The following LMAN1 variants were observed in gnomAD, a reference collection of about 807,000 sequenced individuals.
LMAN1 encodes lectin, mannose binding 1.
Under a neutral mutation model 67.8 loss-of-function variants are expected in LMAN1, and 32 were observed. The observed-to-expected ratio is 0.47, with a 90% confidence interval of 0.36 to 0.63. The LOEUF is 0.63. Ranked by LOEUF, LMAN1 falls within the 30% of genes least tolerant of loss-of-function variation. The pLI, the probability that LMAN1 is intolerant of heterozygous loss-of-function variation, is 0.00. For synonymous variants in LMAN1, 235 were observed against 219.3 expected, an observed-to-expected ratio of 1.07 and a Z score of -0.63; for missense variants, 632 against 628.2, an observed-to-expected ratio of 1.01 and a Z score of -0.06.
intron 10 of LMAN1, among the ~76,000 whole-genome samples, chr18:59,338,136 G>A (rs1908201252): frequency 6.6e-6 from 1 of 152,096 alleles, no homozygotes. Context: ...GTTCAAAATG[G>A]TTTCATTCCA....
rs964985785 is a variant in LMAN1 at position 59,345,979 on chromosome 18, C to A, written c.895G>T (p.Glu299Ter). 6.2e-7 allele frequency: 1 copy of A among 1,613,860 alleles called. No homozygotes were observed. The highest frequency in any genetic ancestry group is 1.3e-5 in the African/African-American group (1 of 74,968). ...AATTCCTCTTTTTTTTTATCCAATT[C>A]TTGTTGAAAGTGCTCAAATTCCTCC... is the stretch of plus-strand genomic sequence containing the variant. ...YQEEFEHFQQ[E>*]LDKKKEEFQK... Residue 299 changes from glutamate (E) to a stop codon, truncating the protein, a stop_gained, in exon 8 of 13, where the codon GAA (glutamate) becomes TAA (stop). Coordinates refer to ENST00000251047, the MANE Select transcript of LMAN1 (RefSeq NM_005570.4). LOFTEE classifies it high-confidence loss of function.
chr18:59,358,983 G>T, intron 1 of LMAN1, 48 bp downstream of exon 1: 1 of 1,569,446 alleles, frequency 6.4e-7, no homozygotes, highest in Non-Finnish European at 8.8e-7. Context: ...CGAAGAGGCA[G>T]CAGAAGGGGG....
At chr18:59,344,976 TC>T (rs1198523890) in intron 8 of LMAN1, among the ~76,000 whole-genome samples, 4 of 152,194 alleles carry the variant, frequency 2.6e-5, no homozygotes, top group Non-Finnish European at 5.9e-5. Context: ...ATAAAAATGT[TC>T]CGTGTACTGA....
intron 8 of LMAN1, among the ~76,000 whole-genome samples, chr18:59,343,623 T>C (rs1201825572): frequency 6.6e-6 from 1 of 152,062 alleles, no homozygotes; most frequent in Non-Finnish European, 1.5e-5. Context: ...AGTGGACCCA[T>C]ACTTCTCACC....
intron 6 of LMAN1, 53 bp downstream of exon 6, chr18:59,349,060 C>T (rs948068582): frequency 6.2e-7 from 1 of 1,604,466 alleles, no homozygotes; most frequent in African/African-American, 1.3e-5. Flanking sequence ...ATATACTATT[C>T]CCAATAAAAC....
chr18:59,331,494 AT>A lies in LMAN1; in HGVS notation c.1419del (p.Ser474HisfsTer52). 1 of 1,612,478 alleles carries A rather than the reference AT, an allele frequency of 6.2e-7. No individual in the cohort carries two copies. Among genetic ancestry groups the A allele is most frequent in the Non-Finnish European group, 8.5e-7 (1 of 1,178,666 alleles). On this transcript the variant is annotated frameshift_variant, in exon 12 of 13. Transcript: ENST00000251047. LOFTEE classifies it high-confidence loss of function. ...ATGAAGTGGACCGTAGACAAACATG[AT>A]GGAAATGGTGGTAGTTCTGGGCATT... ...KPKCPELPPF[P>X]SCLSTVHFII...
intron 5 of LMAN1, among the ~76,000 whole-genome samples, chr18:59,349,950 G>A (rs1010738652): frequency 4.3e-4 from 66 of 152,066 alleles, no homozygotes; most frequent in African/African-American, 1.5e-3. Flanking sequence ...ATCCTCTCAC[G>A]AGTCCCACCC....
intron 4 of LMAN1, 41 bp downstream of exon 4, chr18:59,354,478 A>G: frequency 9.0e-7 from 1 of 1,107,960 alleles, no homozygotes; most frequent in Non-Finnish European, 1.4e-6. Context: ...GATTCCAAAA[A>G]GAAGCTGAAA....
intron 8 of LMAN1, among the ~76,000 whole-genome samples, chr18:59,342,985 G>A (rs7230866): frequency 0.72 from 108,652 of 150,796 alleles, 39,411 homozygotes; most frequent in African/African-American, 0.8. Flanking sequence ...TACAGAAATC[G>A]GTAGCATTTT....
intron 5 of LMAN1, among the ~76,000 whole-genome samples, chr18:59,350,625 G>A (rs1908522091): frequency 6.6e-6 from 1 of 151,994 alleles, no homozygotes; most frequent in South Asian, 2.1e-4. Flanking sequence ...CTCCCGAGTA[G>A]CGGAGACTAC....
In LMAN1 at chr18:59,344,666, G is replaced by A. The variant is rs192960995; in HGVS notation, c.955+1253C>T. Reference sequence around the variant, plus strand: ...ACTGGAGACTACAAAAGGTGGGAGGGGAATGAAGGTTGAAAATTACCCACT... The same window carrying A: ...ACTGGAGACTACAAAAGGTGGGAGGAGAATGAAGGTTGAAAATTACCCACT... On this transcript the variant is annotated intron_variant, in intron 8 of 12. Transcript: ENST00000251047. 2.8e-3 allele frequency among the ~76,000 whole-genome samples: 420 copies of A among 151,684 alleles called. 5 individuals carry two copies. Among genetic ancestry groups the A allele is most frequent in the African/African-American group, 9.8e-3 (401 of 41,080 alleles).
Position 59,346,028 on chromosome 18 carries a change from C to T in LMAN1, c.846G>A (p.Ser282=), listed in dbSNP as rs377676111. 5.0e-4 allele frequency: 800 copies of T among 1,612,068 alleles called. 5 individuals are homozygous for T. In the South Asian group the frequency reaches 6.3e-3, roughly 13 times the overall value. Residue 282 remains serine (S), a synonymous_variant, in exon 8 of 13, where the codon TCG becomes TCA. Coordinates refer to ENST00000251047, the MANE Select transcript of LMAN1 (RefSeq NM_005570.4). ...CCTGATACTTTTCTTTTTCCTTTTC[C>T]GAAATTTCTTTATCTGGTGTGGGCT... The part of the protein sequence containing the change: ...KEPPTPDKEI[S]EKEKEKYQEE...
intron 7 of LMAN1, 149 bp from the exon 8 acceptor site, chr18:59,346,200 C>T (rs1385231518): frequency 4.8e-6 from 2 of 418,288 alleles, no homozygotes; most frequent in African/African-American, 4.4e-5. Context: ...TAAACGATAG[C>T]AAATTACTCT....
chr18:59,354,726 A>G (rs192563783), intron 3 of LMAN1, 146 bp from the exon 4 acceptor site: 233 of 547,356 alleles, frequency 4.3e-4, no homozygotes, highest in African/African-American at 3.5e-3. Flanking sequence ...AGGAATTACT[A>G]AAGTTCTTTA....
At chr18:59,350,834 T>C (rs1336643329) in intron 5 of LMAN1, among the ~76,000 whole-genome samples, 1 of 152,200 alleles carries the variant, frequency 6.6e-6, no homozygotes, top group Non-Finnish European at 1.5e-5. Context: ...TTCATTGTAC[T>C]GTGAGTTAGC....
At chr18:59,339,446 A>ATTC (rs1392840077) in intron 8 of LMAN1, among the ~76,000 whole-genome samples, 1 of 152,172 alleles carries the variant, frequency 6.6e-6, no homozygotes, top group Non-Finnish European at 1.5e-5. Flanking sequence ...GGAAACAGTA[A>ATTC]GAGAGAAAAC....
chr18:59,332,615 C>G (rs1040982495), intron 11 of LMAN1, among the ~76,000 whole-genome samples: 1 of 152,114 alleles, frequency 6.6e-6, no homozygotes, highest in Non-Finnish European at 1.5e-5. Context: ...GTAAAGCAGA[C>G]TAGGAAATAT....
At chr18:59,345,192 T>C (rs1908372162) in intron 8 of LMAN1, among the ~76,000 whole-genome samples, 1 of 152,222 alleles carries the variant, frequency 6.6e-6, no homozygotes, top group Non-Finnish European at 1.5e-5. Context: ...AACTGCATAC[T>C]ACATAGAGTT....
At chr18:59,356,779 C>A (rs1461950817) in intron 1 of LMAN1, among the ~76,000 whole-genome samples, 1 of 152,166 alleles carries the variant, frequency 6.6e-6, no homozygotes, top group Admixed American at 6.5e-5. Flanking sequence ...AAAACCTTAA[C>A]CTTTCTGAAC....
Sources: gnomAD v4.1 joint callset for allele counts (sites outside exome capture counted in the v4.1 genomes callset) on GRCh38, gnomAD v4.1.1 for gene constraint, MANE v1.5 for transcripts, NCBI Gene and HGNC (gene_info 2026-07-23, HGNC 2026-07-21) for gene names.